The following FBXL17 variants were observed in gnomAD, a reference collection of about 807,000 sequenced individuals.
FBXL17 encodes the protein F-box and leucine rich repeat protein 17, also known as F-box/LRR-repeat protein 17.
Under a neutral mutation model 66.2 loss-of-function variants are expected in FBXL17, and 22 were observed. That is an observed-to-expected ratio of 0.33 (90% CI 0.24 to 0.47). The LOEUF (loss-of-function observed/expected upper bound fraction) is 0.47. Among genes scored for constraint, FBXL17 ranks in the 20% least tolerant of loss-of-function variants. FBXL17 has a pLI of 1.00. For synonymous variants in FBXL17, 474 were observed against 400.5 expected, an observed-to-expected ratio of 1.18 and a Z score of -2.19; for missense variants, 878 against 948.2, an observed-to-expected ratio of 0.93 and a Z score of 0.97.
intron 6 of FBXL17, among the ~76,000 whole-genome samples, chr5:108,084,420 G>C (rs936211011): frequency 6.6e-6 from 1 of 152,192 alleles, no homozygotes. Flanking sequence ...ACGGGGCTAG[G>C]AGCAGTAGCA....
chr5:108,348,726 C>A (rs1580864590), intron 3 of FBXL17, among the ~76,000 whole-genome samples, 196 bp from the exon 4 acceptor site: 1 of 152,224 alleles, frequency 6.6e-6, no homozygotes, highest in African/African-American at 2.4e-5. Context: ...CTAATTTACC[C>A]CCGTTTCAAC....
intron 4 of FBXL17, among the ~76,000 whole-genome samples, chr5:108,286,669 T>C (rs1264883730): frequency 1.3e-5 from 2 of 152,046 alleles, no homozygotes; most frequent in Non-Finnish European, 2.9e-5. Context: ...TCCATGCTCA[T>C]AGTTAGGAAG....
intron 1 of FBXL17, among the ~76,000 whole-genome samples, chr5:108,376,878 C>CG (rs1027385266): frequency 6.0e-5 from 9 of 149,904 alleles, no homozygotes; most frequent in African/African-American, 2.2e-4. Context: ...CCTCCACCCA[C>CG]GGGTTCAAGC....
intron 4 of FBXL17, among the ~76,000 whole-genome samples, chr5:108,258,790 G>A (rs1756688473): frequency 6.9e-6 from 1 of 145,258 alleles, no homozygotes; most frequent in African/African-American, 2.7e-5. Context: ...CAATCTAGCT[G>A]GTGGAAAGCT....
At chr5:108,121,206 T>C (rs915248067) in intron 6 of FBXL17, among the ~76,000 whole-genome samples, 3 of 151,958 alleles carry the variant, frequency 2.0e-5, no homozygotes, top group Admixed American at 1.3e-4. Flanking sequence ...CGCATGCCCA[T>C]AGTCCCAGCT....
At chr5:108,031,185 G>GTA (rs1480669078) in intron 6 of FBXL17, among the ~76,000 whole-genome samples, 1 of 152,040 alleles carries the variant, frequency 6.6e-6, no homozygotes, top group African/African-American at 2.4e-5. Context: ...AGAGAACACT[G>GTA]TAATGGGGAA....
intron 4 of FBXL17, among the ~76,000 whole-genome samples, chr5:108,293,918 G>C (rs901188597): frequency 1.3e-4 from 20 of 151,524 alleles, no homozygotes; most frequent in African/African-American, 4.6e-4. Flanking sequence ...GCACATGCCT[G>C]TAATTCCAGC....
intron 4 of FBXL17, among the ~76,000 whole-genome samples, chr5:108,341,629 A>G (rs1032499719): frequency 6.6e-6 from 1 of 152,168 alleles, no homozygotes. Flanking sequence ...ATCTCATGCT[A>G]TAGTTCTTAT....
chr5:107,874,226 G>A (rs1341627688), intron 8 of FBXL17, among the ~76,000 whole-genome samples: 1 of 152,016 alleles, frequency 6.6e-6, no homozygotes, highest in Non-Finnish European at 1.5e-5. Context: ...TTAGTCTCAG[G>A]AGGCTAGTTT....
At chr5:107,966,654 T>C (rs1290459774) in intron 7 of FBXL17, among the ~76,000 whole-genome samples, 2 of 152,156 alleles carry the variant, frequency 1.3e-5, no homozygotes, top group African/African-American at 2.4e-5. Context: ...TAAATCCTTA[T>C]CATTCCTTTA....
intron 4 of FBXL17, chr5:108,298,963 G>T (rs1457853968): frequency 3.0e-5 from 29 of 962,326 alleles, no homozygotes; most frequent in Non-Finnish European, 3.6e-5. Flanking sequence ...CATATATAGT[G>T]CCAGCATTTA....
chr5:107,994,417 C>G (rs1463886706), intron 7 of FBXL17, among the ~76,000 whole-genome samples: 1 of 151,924 alleles, frequency 6.6e-6, no homozygotes, highest in East Asian at 1.9e-4. Context: ...TATATGCACA[C>G]ATGTATCAGT....
rs1748959302 is a variant in FBXL17, at chr5:108,086,085, G to A, written c.1746-65084C>T. Among the ~76,000 whole-genome samples the A allele has an allele frequency of 2.6e-5, 4 of 152,072 alleles. No homozygotes were observed. The South Asian group carries it at 6.2e-4, about 24-fold the overall frequency. On this transcript the variant is annotated intron_variant, in intron 6 of 8. Transcript: ENST00000542267. ...TCCACCATGGAAGATCATAGAAACT[G>A]GAATTCCTCAATCCCAGACCGTAAA... is the stretch of plus-strand genomic sequence containing the variant.
chr5:108,299,256 C>G, intron 4 of FBXL17: 1 of 985,064 alleles, frequency 1.0e-6, no homozygotes, highest in Non-Finnish European at 1.2e-6. Flanking sequence ...TAGTTTAAAG[C>G]GTTAGGGCAG....
At chr5:107,907,315 T>C (rs1035406959) in intron 7 of FBXL17, among the ~76,000 whole-genome samples, 6 of 152,178 alleles carry the variant, frequency 3.9e-5, no homozygotes, top group Non-Finnish European at 7.3e-5. Flanking sequence ...ATCAGTCACA[T>C]TACTTTATAA....
intron 7 of FBXL17, among the ~76,000 whole-genome samples, chr5:107,976,989 G>A (rs1349287085): frequency 2.0e-5 from 3 of 152,178 alleles, no homozygotes; most frequent in Admixed American, 2.0e-4. Context: ...CTTGGGACTG[G>A]AGAATAGGGT....
chr5:107,930,288 G>A (rs1003032967), intron 7 of FBXL17, among the ~76,000 whole-genome samples: 1 of 151,858 alleles, frequency 6.6e-6, no homozygotes, highest in African/African-American at 2.4e-5. Context: ...CATTTCCTTC[G>A]ACTCACCAAA....
At chr5:107,992,151 A>C (rs1183712901) in intron 7 of FBXL17, among the ~76,000 whole-genome samples, 1 of 151,802 alleles carries the variant, frequency 6.6e-6, no homozygotes, top group Non-Finnish European at 1.5e-5. Flanking sequence ...CAATTGGGGC[A>C]GGTAGGTGAT....
intron 6 of FBXL17, among the ~76,000 whole-genome samples, chr5:108,052,112 C>CA (rs144705189): frequency 0.1 from 10,390 of 101,918 alleles, 680 homozygotes; most frequent in South Asian, 0.18. Flanking sequence ...GACTTCGTCT[C>CA]AAAAAAAAAA....
Sources: gnomAD v4.1 joint callset for allele counts (sites outside exome capture counted in the v4.1 genomes callset) on GRCh38, gnomAD v4.1.1 for gene constraint, MANE v1.5 for transcripts, NCBI Gene and HGNC (gene_info 2026-07-23, HGNC 2026-07-21) for gene names.